The following DENND5A variants were observed in gnomAD, a reference collection of about 807,000 sequenced individuals.
DENND5A encodes DENN domain containing 5A.
DENND5A carries 64 observed loss-of-function variants against 140.3 expected under a neutral mutation model. That is an observed-to-expected ratio of 0.46 (90% CI 0.37 to 0.56). DENND5A has a LOEUF of 0.56. Ranked by LOEUF, DENND5A falls within the 20% of genes least tolerant of loss-of-function variation. The pLI is 0.00. For missense variants in DENND5A, 1,292 were observed against 1,593.8 expected, an observed-to-expected ratio of 0.81 and a Z score of 3.22; for synonymous variants, 605 against 607.7, an observed-to-expected ratio of 1.00 and a Z score of 0.07.
intron 1 of DENND5A, among the ~76,000 whole-genome samples, chr11:9,260,974 G>A (rs962581992): frequency 1.3e-5 from 2 of 152,066 alleles, no homozygotes; most frequent in Non-Finnish European, 2.9e-5. Flanking sequence ...TCAGCTTCCT[G>A]AGCAGCTGGG....
At chr11:9,145,134 T>A in intron 17 of DENND5A, 21 bp from the exon 18 acceptor site, 1 of 1,547,566 alleles carries the variant, frequency 6.5e-7, no homozygotes, top group Non-Finnish European at 8.9e-7. Context: ...ATAGAGAAGA[T>A]GAGGTAGGTC....
chr11:9,192,017 A>AT (rs560041167), intron 5 of DENND5A, among the ~76,000 whole-genome samples: 3 of 152,036 alleles, frequency 2.0e-5, no homozygotes, highest in Admixed American at 6.6e-5. Context: ...CATCATTTAG[A>AT]TTTTTTTTCC....
At chr11:9,246,852 C>T (rs1002864556) in intron 1 of DENND5A, among the ~76,000 whole-genome samples, 12 of 152,120 alleles carry the variant, frequency 7.9e-5, no homozygotes, top group Admixed American at 2.6e-4. Flanking sequence ...TCCTTTTAGG[C>T]TTAAATCAAT....
chr11:9,234,812 T>C (rs1285688192), intron 1 of DENND5A, among the ~76,000 whole-genome samples: 1 of 152,218 alleles, frequency 6.6e-6, no homozygotes, highest in Non-Finnish European at 1.5e-5. Context: ...GGAATACTGC[T>C]AGTTAATCTA....
At chr11:9,139,983 C>T (rs1003895799) in intron 22 of DENND5A, 129 bp from the exon 23 acceptor site, 2 of 1,035,016 alleles carry the variant, frequency 1.9e-6, no homozygotes, top group African/African-American at 1.6e-5. Flanking sequence ...CCCCCCACAC[C>T]CCCCTTTCCC....
chr11:9,246,063 C>A (rs1296329056), intron 1 of DENND5A, among the ~76,000 whole-genome samples: 1 of 152,114 alleles, frequency 6.6e-6, no homozygotes, highest in Non-Finnish European at 1.5e-5. Flanking sequence ...TTAGGGCCTG[C>A]AGACCCCAAG....
intron 11 of DENND5A, among the ~76,000 whole-genome samples, chr11:9,164,410 C>T (rs905589077): frequency 6.6e-6 from 1 of 151,648 alleles, no homozygotes; most frequent in African/African-American, 2.4e-5. Flanking sequence ...TTTATTCCCT[C>T]CTATAAATGA....
intron 1 of DENND5A, among the ~76,000 whole-genome samples, chr11:9,217,940 G>T (rs1210120441): frequency 6.6e-6 from 1 of 152,166 alleles, no homozygotes; most frequent in African/African-American, 2.4e-5. Flanking sequence ...CATAAAACAA[G>T]AATAGACTGT....
In DENND5A at chr11:9,207,544, T is replaced by C; in HGVS notation, c.181+17A>G. ...ATTAGAAAGCTTTGGGTGTTCTCAA[T>C]TTTGTTTTGTTTTTACCTTCAGTCG... On this transcript the variant is annotated intron_variant, in intron 2 of 22. Coordinates refer to ENST00000328194, the MANE Select transcript of DENND5A (RefSeq NM_015213.4). The C allele has an allele frequency of 5.0e-6, 8 of 1,601,524 alleles. No homozygotes were observed. The highest frequency in any genetic ancestry group is 6.8e-6 in the Non-Finnish European group (8 of 1,169,172).
intron 1 of DENND5A, among the ~76,000 whole-genome samples, chr11:9,251,138 C>CAAAA (rs887593530): frequency 2.5e-3 from 218 of 88,290 alleles, no homozygotes; most frequent in East Asian, 4.4e-3. Flanking sequence ...CCATCTCAAA[C>CAAAA]AAAAAAAAAA....
rs147601083 is a variant in DENND5A at position 9,251,877 on chromosome 11, T to C, written c.109+13084A>G. The stretch of plus-strand genomic sequence containing the variant: ...GGTGGCAGGCCCCTGCAGTCTCAGC[T>C]ACTCGGGAGGCTGAGGCAGGAGAAT... On this transcript the variant is annotated intron_variant, in intron 1 of 22. Coordinates refer to ENST00000328194, the MANE Select transcript of DENND5A (RefSeq NM_015213.4). Among the ~76,000 whole-genome samples, 11 of 151,748 alleles carry C rather than the reference T, an allele frequency of 7.2e-5. No individual in the cohort carries two copies. In the East Asian group the frequency reaches 1.9e-3, roughly 27 times the overall value.
At chr11:9,252,401 C>A (rs1297592498) in intron 1 of DENND5A, among the ~76,000 whole-genome samples, 1 of 151,782 alleles carries the variant, frequency 6.6e-6, no homozygotes, top group African/African-American at 2.4e-5. Context: ...GTAATCCCAG[C>A]ACTTTAGGAG....
chr11:9,188,430 C>A (rs368371440), intron 5 of DENND5A, among the ~76,000 whole-genome samples: 35 of 152,226 alleles, frequency 2.3e-4, no homozygotes, highest in African/African-American at 7.5e-4. Context: ...TTAAAAGATA[C>A]CCAAAAATGT....
chr11:9,265,033 TG>T lies in DENND5A; in HGVS notation c.36del (p.Ser13ValfsTer57). 1 of 1,566,088 alleles carries T rather than the reference TG, an allele frequency of 6.4e-7. No individual in the cohort carries two copies. Among genetic ancestry groups the T allele is most frequent in the East Asian group, 2.5e-5 (1 of 39,892 alleles). ...SGGGGGGGSA[P>X]SRFADYFVIC... ...ATGACAAAGTAGTCGGCGAAGCGAC[TG>T]GGCGCCGAGCCCCCTCCGCCGCCGC... On this transcript the variant is annotated frameshift_variant, in exon 1 of 23. Coordinates refer to ENST00000328194, the MANE Select transcript of DENND5A (RefSeq NM_015213.4). LOFTEE classifies it high-confidence loss of function. The surrounding 1 kb of genome is among the most constrained non-coding windows in gnomAD (Gnocchi z 4.7).
At chr11:9,179,823 A>T (rs897583500) in intron 6 of DENND5A, among the ~76,000 whole-genome samples, 4 of 152,146 alleles carry the variant, frequency 2.6e-5, no homozygotes, top group Non-Finnish European at 5.9e-5. Context: ...AATCTCACCA[A>T]ATATTTCTGT....
intron 1 of DENND5A, among the ~76,000 whole-genome samples, chr11:9,245,719 C>T (rs1438240848): frequency 1.3e-5 from 2 of 151,944 alleles, no homozygotes; most frequent in East Asian, 1.9e-4. Context: ...CTGCAACCTC[C>T]GCCTCCCAAA....
At chr11:9,205,580 ACTACAGAATG>A (rs1849666589) in intron 3 of DENND5A, among the ~76,000 whole-genome samples, 1 of 152,110 alleles carries the variant, frequency 6.6e-6, no homozygotes, top group Admixed American at 6.5e-5. Flanking sequence ...TCCTCTAAAA[ACTACAGAATG>A]CTATTAAAAA....
intron 20 of DENND5A, 149 bp from the exon 21 acceptor site, chr11:9,142,994 C>CTGT: frequency 4.0e-6 from 4 of 1,000,986 alleles, no homozygotes; most frequent in Non-Finnish European, 5.8e-6. Context: ...GGCACAGTGC[C>CTGT]TGGCTCAGAG....
chr11:9,142,163 G>T, intron 21 of DENND5A, 55 bp from the exon 22 acceptor site: 1 of 1,459,514 alleles, frequency 6.9e-7, no homozygotes, highest in Non-Finnish European at 9.2e-7. Context: ...CAACCCTGAC[G>T]GTCCTACAGG....
Sources: allele counts gnomAD v4.1 joint callset (sites outside exome capture counted in the v4.1 genomes callset), GRCh38; gene constraint gnomAD v4.1.1; non-coding constraint Gnocchi (gnomAD v3.1); transcripts MANE v1.5; gene names NCBI Gene and HGNC (gene_info 2026-07-23, HGNC 2026-07-21).